Variants in TSPAN32 observed in about 807,000 individuals in gnomAD.
TSPAN32 encodes tetraspanin 32, also known as tetraspanin-32.
In TSPAN32, 47 loss-of-function variants were observed where a neutral mutation model predicts 42.7. That is an observed-to-expected ratio of 1.10 (90% CI 0.87 to 1.40). TSPAN32 has a LOEUF of 1.40. Among genes scored for constraint, TSPAN32 ranks in the 40% most tolerant of loss-of-function variants. The probability of loss-of-function intolerance (pLI) is 0.00; values close to 1 mark genes in which losing one functional copy is unlikely to be tolerated. For synonymous variants in TSPAN32, 175 were observed against 175.9 expected (o/e 0.99, Z 0.04); for missense variants, 469 against 424.1 (o/e 1.11, Z -0.93).
intron 4 of TSPAN32, among the ~76,000 whole-genome samples, chr11:2,311,496 G>A (rs73406785): frequency 0.089 from 13,568 of 152,128 alleles, 914 homozygotes; most frequent in African/African-American, 0.19. Flanking sequence ...GTGCAGCCTC[G>A]TCCTCACAGT....
chr11:2,316,977 T>C (rs1408324668), intron 8 of TSPAN32, among the ~76,000 whole-genome samples: 1 of 151,964 alleles, frequency 6.6e-6, no homozygotes, highest in African/African-American at 2.4e-5. Context: ...TCTCTGTGCT[T>C]GAATACCCCA....
chr11:2,303,960 C>T, intron 2 of TSPAN32, 147 bp from the exon 3 acceptor site: 1 of 610,672 alleles, frequency 1.6e-6, no homozygotes, highest in South Asian at 1.9e-5. Flanking sequence ...TCCCTCAGGG[C>T]CGTCTGATGG....
intron 3 of TSPAN32, among the ~76,000 whole-genome samples, chr11:2,307,730 C>A (rs547271821): frequency 6.6e-6 from 1 of 152,074 alleles, no homozygotes; most frequent in African/African-American, 2.4e-5. Context: ...GGGGCGGGTG[C>A]GCAGACGTTT....
At chr11:2,314,837 G>T in intron 6 of TSPAN32, 1 of 508,764 alleles carries the variant, frequency 2.0e-6, no homozygotes, top group Non-Finnish European at 3.6e-6. Flanking sequence ...GGCCCCATGC[G>T]CCATTCACTC....
In TSPAN32 at chr11:2,317,753, C is replaced by T; in HGVS notation, c.902-110C>T. ...GGGCAGACTGCAAGACACTGGTGGC[C>T]CACGGCCTGGAGGGCTCCACCCAGA... On this transcript the variant is annotated intron_variant, in intron 9 of 9. Coordinates refer to ENST00000182290, the MANE Select transcript of TSPAN32 (RefSeq NM_139022.3). The surrounding 1 kb of genome is among the most constrained non-coding windows in gnomAD (Gnocchi z 6.2). 6.5e-7 allele frequency: 1 copy of T among 1,530,096 alleles called. No homozygotes were observed. 94.8% of individuals were successfully genotyped at this position (1,530,096 alleles called of 1,614,324 possible). A position where few individuals can be genotyped will look rare whatever the true frequency, so the allele number is the denominator to read the frequency against.
rs956704737 is a variant in TSPAN32, at chr11:2,311,256, C to T, written c.355-2398C>T. Among the ~76,000 whole-genome samples the T allele has an allele frequency of 2.6e-5, 4 of 152,268 alleles. No individual in the cohort carries two copies. The East Asian group carries it at 7.7e-4, about 29-fold the overall frequency. ...CGGGCCCAGAGCTGAAAGTGGGGTG[C>T]CCCTCCACCTCCCCAACTCTTGCCC... On this transcript the variant is annotated intron_variant, in intron 4 of 9. Coordinates refer to ENST00000182290, the MANE Select transcript of TSPAN32 (RefSeq NM_139022.3).
intron 6 of TSPAN32, chr11:2,315,957 T>TGGAC: frequency 6.5e-7 from 1 of 1,529,126 alleles, no homozygotes; most frequent in Non-Finnish European, 8.8e-7. Flanking sequence ...TGGCCCAACA[T>TGGAC]GGACGCTCAG....
chr11:2,317,683 G>A lies in TSPAN32; in HGVS notation c.901+158G>A, dbSNP rs913414921. ...TCACCAAATCCCTCCATGGGAACGGGCTGGGAGCAAGCACAAAGGAAACCA... is the reference window on the plus strand; with the variant it reads ...TCACCAAATCCCTCCATGGGAACGGACTGGGAGCAAGCACAAAGGAAACCA... On this transcript the variant is annotated intron_variant, in intron 9 of 9. Coordinates refer to ENST00000182290, the MANE Select transcript of TSPAN32 (RefSeq NM_139022.3). This position sits in a 1 kb window ranked among gnomAD's most constrained non-coding sequence, Gnocchi z 6.2. 4 of 985,320 alleles carry A rather than the reference G, an allele frequency of 4.1e-6. No homozygotes were observed. The African/African-American group carries it at 7.0e-5, about 17-fold the overall frequency. The allele number at this position is 985,320 out of a possible 1,614,324, so 61.0% of individuals were successfully genotyped here. A position where few individuals can be genotyped will look rare whatever the true frequency, so the allele number is the denominator to read the frequency against.
rs1847956393 is a variant in TSPAN32 at position 2,304,513 on chromosome 11, G to A, written c.279+309G>A. ...TCCTATAGGAGCTCTGAAAGAGAGA[G>A]ACGGCCCTCCTGACCCTGGGAGCTG... On this transcript the variant is annotated intron_variant, in intron 3 of 9. Coordinates refer to ENST00000182290, the MANE Select transcript of TSPAN32 (RefSeq NM_139022.3). This position sits in a 1 kb window ranked among gnomAD's most constrained non-coding sequence, Gnocchi z 4.8. 6.6e-6 allele frequency among the ~76,000 whole-genome samples: 1 copy of A among 152,014 alleles called. No homozygotes were observed. Among genetic ancestry groups the A allele is most frequent in the Admixed American group, 6.5e-5 (1 of 15,276 alleles).
intron 4 of TSPAN32, among the ~76,000 whole-genome samples, chr11:2,310,308 G>A (rs1025529656): frequency 1.3e-5 from 2 of 152,210 alleles, no homozygotes; most frequent in Non-Finnish European, 2.9e-5. Context: ...AGGACAGAAC[G>A]CAGCTGGGGC....
intron 4 of TSPAN32, among the ~76,000 whole-genome samples, chr11:2,312,029 C>CCAGGCAGGG (rs377033029): frequency 5.1e-4 from 76 of 148,574 alleles, no homozygotes; most frequent in African/African-American, 1.5e-3. Context: ...GCAGGAAGAG[C>CCAGGCAGGG]CAGGCAGGGC....
chr11:2,314,629 G>A, intron 6 of TSPAN32, 58 bp downstream of exon 6: 1 of 1,436,282 alleles, frequency 7.0e-7, no homozygotes, highest in Non-Finnish European at 9.6e-7. Flanking sequence ...GACACCCTGG[G>A]GCCCAACCCC....
Position 2,314,544 on chromosome 11 carries a change from G to A in TSPAN32, c.516G>A (p.Leu172=), listed in dbSNP as rs1848665094. The stretch of plus-strand genomic sequence containing the variant: ...GTCTGGGGAGCACAGAGGCTGACCT[G>A]TGTCAGGGAGAGGAGGCGGCGAGAG... The part of the protein sequence containing the change: ...FSRLGSTEAD[L]CQGEEAARED... The change falls in exon 6 of 10, where the codon CTG becomes CTA. Residue 172 remains leucine, a synonymous_variant. Transcript: ENST00000182290. The A allele has an allele frequency of 1.2e-6, 2 of 1,611,892 alleles. No individual in the cohort carries two copies. The highest frequency in any genetic ancestry group is 1.3e-5 in the African/African-American group (1 of 74,912).
In TSPAN32 at chr11:2,317,243, T is replaced by C; in HGVS notation, c.720-101T>C. ...AGCTCCATAATCCCCTCCAGAACATTCTGCAACAGCCCCATGATCCCCTCT... is the reference window on the plus strand; with the variant it reads ...AGCTCCATAATCCCCTCCAGAACATCCTGCAACAGCCCCATGATCCCCTCT... On this transcript the variant is annotated intron_variant, in intron 8 of 9. Coordinates refer to ENST00000182290, the MANE Select transcript of TSPAN32 (RefSeq NM_139022.3). The surrounding 1 kb of genome is among the most constrained non-coding windows in gnomAD (Gnocchi z 6.2). 6 of 925,694 alleles carry C rather than the reference T, an allele frequency of 6.5e-6. No individual in the cohort carries two copies. The highest frequency in any genetic ancestry group is 9.9e-6 in the Non-Finnish European group (6 of 608,220). 57.3% of individuals were successfully genotyped at this position (925,694 alleles called of 1,614,324 possible).
chr11:2,306,061 T>TGTGTGTGTGTGTGTGC (rs1848066959), intron 3 of TSPAN32, among the ~76,000 whole-genome samples: 1 of 151,896 alleles, frequency 6.6e-6, no homozygotes, highest in South Asian at 2.1e-4. Flanking sequence ...TGTGTGTGTG[T>TGTGTGTGTGTGTGTGC]GTGTGTGTGT....
chr11:2,315,251 G>A, intron 6 of TSPAN32: 1 of 1,199,944 alleles, frequency 8.3e-7, no homozygotes, highest in Non-Finnish European at 1.1e-6. Flanking sequence ...CACAGTGGGA[G>A]GCACCTGGCG....
chr11:2,309,582 G>T, intron 4 of TSPAN32: 1 of 306,618 alleles, frequency 3.3e-6, no homozygotes, highest in Non-Finnish European at 6.8e-6. Context: ...GGGCAGGAGA[G>T]CCTGGCAGGT....
intron 4 of TSPAN32, among the ~76,000 whole-genome samples, chr11:2,309,045 C>G (rs1372179559): frequency 1.3e-5 from 2 of 151,782 alleles, no homozygotes; most frequent in Non-Finnish European, 2.9e-5. Flanking sequence ...TATGCTGTAC[C>G]CCTGCCTTCG....
In TSPAN32 at chr11:2,317,608, A is replaced by G; in HGVS notation, c.901+83A>G. The G allele has an allele frequency of 6.7e-7, 1 of 1,500,918 alleles. No homozygotes were observed. Among genetic ancestry groups the G allele is most frequent in the Non-Finnish European group, 8.9e-7 (1 of 1,129,288 alleles). 93.0% of individuals were successfully genotyped at this position (1,500,918 alleles called of 1,614,324 possible). ...TGAGGAGGGAAGGGAGTGAAGGCCC[A>G]GCCAGAGAGCCAGGCTCCATTGGGA... On this transcript the variant is annotated intron_variant, in intron 9 of 9. Transcript: ENST00000182290. This position sits in a 1 kb window ranked among gnomAD's most constrained non-coding sequence, Gnocchi z 6.2.
Sources: gnomAD v4.1 joint callset for allele counts (sites outside exome capture counted in the v4.1 genomes callset) on GRCh38, gnomAD v4.1.1 for gene constraint, Gnocchi (gnomAD v3.1) non-coding constraint, MANE v1.5 for transcripts, NCBI Gene and HGNC (gene_info 2026-07-23, HGNC 2026-07-21) for gene names.